BOLA3: variants seen among roughly 807,000 people sequenced by gnomAD.
BOLA3 encodes bolA family member 3.
In BOLA3, 8 loss-of-function variants were observed where a neutral mutation model predicts 14.5. The observed-to-expected ratio is 0.55, with a 90% CI of 0.32 to 0.99. The LOEUF (loss-of-function observed/expected upper bound fraction) is 0.99. Ranked by LOEUF, BOLA3 falls within the 50% of genes least tolerant of loss-of-function variation. The pLI, the probability that BOLA3 is intolerant of heterozygous loss-of-function variation, is 0.04. For synonymous variants in BOLA3, 42 were observed against 45.7 expected, an observed-to-expected ratio of 0.92 and a Z score of 0.33; for missense variants, 115 against 138.2, an observed-to-expected ratio of 0.83 and a Z score of 0.84.
chr2:74,143,395 G>T (rs188214311), intron 2 of BOLA3, among the ~76,000 whole-genome samples: 1 of 151,968 alleles, frequency 6.6e-6, no homozygotes, highest in Admixed American at 6.5e-5. Flanking sequence ...TCCTGACCTC[G>T]TGATCCACCC....
intron 1 of BOLA3, 65 bp from the exon 2 acceptor site, chr2:74,145,368 T>C: frequency 1.0e-6 from 1 of 978,168 alleles, no homozygotes; most frequent in Admixed American, 1.7e-5. Flanking sequence ...GCTGGGCCAC[T>C]GTGCAGGCCC....
At chr2:74,139,560 C>T (rs1572940873) in intron 3 of BOLA3, among the ~76,000 whole-genome samples, 2 of 152,328 alleles carry the variant, frequency 1.3e-5, no homozygotes, top group African/African-American at 4.8e-5. Context: ...GGTCCCGGCT[C>T]AGACCCTGCC....
intron 3 of BOLA3, among the ~76,000 whole-genome samples, chr2:74,136,500 G>A (rs2103637436): frequency 6.6e-6 from 1 of 152,146 alleles, no homozygotes; most frequent in Non-Finnish European, 1.5e-5. Flanking sequence ...ATTAGTGTTA[G>A]TATATTTTAT....
At position 74,135,593 on chromosome 2, in the gene BOLA3, T is replaced by C; in HGVS notation, c.324A>G (p.Ter108TrpextTer11). Residue 108 changes from the stop codon to tryptophan (W), a stop_lost, in exon 4 of 4, where the codon TGA becomes TGG. Transcript: ENST00000327428. Reference protein sequence around the residue: ...LRIFTSVPKR* With the variant: ...LRIFTSVPKRW ...CAGCATCTATGCAGCCAGGGCGTGG[T>C]CAGCGTTTGGGGACAGAGGTAAATA... 6.2e-7 allele frequency: 1 copy of C among 1,614,116 alleles called. No individual in the cohort carries two copies. Among genetic ancestry groups the C allele is most frequent in the East Asian group, 2.2e-5 (1 of 44,886 alleles).
chr2:74,143,687 AT>A (rs913427783), intron 2 of BOLA3, among the ~76,000 whole-genome samples: 37 of 148,894 alleles, frequency 2.5e-4, no homozygotes, highest in Middle Eastern at 3.4e-3. Context: ...ATTCCAGCAG[AT>A]TTTTTTTTTC....
intron 3 of BOLA3, among the ~76,000 whole-genome samples, chr2:74,136,729 GT>G (rs1692339130): frequency 6.6e-6 from 1 of 152,208 alleles, no homozygotes; most frequent in Non-Finnish European, 1.5e-5. Flanking sequence ...CTTTTAGGCT[GT>G]TTCCTGTGTT....
At chr2:74,140,249 A>G (rs747528632) in intron 3 of BOLA3, among the ~76,000 whole-genome samples, 2 of 152,112 alleles carry the variant, frequency 1.3e-5, no homozygotes, top group Non-Finnish European at 2.9e-5. Context: ...GCGCCACTGC[A>G]CTCCAGCCTG....
chr2:74,137,434 A>T (rs1235593979), intron 3 of BOLA3, among the ~76,000 whole-genome samples: 1 of 152,232 alleles, frequency 6.6e-6, no homozygotes, highest in Non-Finnish European at 1.5e-5. Context: ...GCCAGAAACC[A>T]GATAATTTTG....
rs968519579 is a variant in BOLA3 at position 74,147,884 on chromosome 2, A to C, written c.-10T>G. On this transcript the variant is annotated 5_prime_UTR_variant, in exon 1 of 4. Transcript: ENST00000327428. ...GGCTCCATGCAGCCATGCCCGGCCGACGTGACCCGCCGCCCGAGGTCACTG... is the reference window on the plus strand; with the variant it reads ...GGCTCCATGCAGCCATGCCCGGCCGCCGTGACCCGCCGCCCGAGGTCACTG... 2.0e-6 allele frequency: 3 copies of C among 1,514,068 alleles called. No individual in the cohort carries two copies. The highest frequency in any genetic ancestry group is 2.6e-6 in the Non-Finnish European group (3 of 1,138,684). 93.8% of individuals were successfully genotyped at this position (1,514,068 alleles called of 1,614,324 possible). A position where few individuals can be genotyped will look rare whatever the true frequency, so the allele number is the denominator to read the frequency against.
intron 1 of BOLA3, chr2:74,146,160 T>G (rs1237553323): frequency 6.6e-6 from 1 of 151,876 alleles, no homozygotes; most frequent in Admixed American, 6.6e-5. Flanking sequence ...GCTCGGCAAA[T>G]TTTTGTATTT....
chr2:74,140,021 T>C (rs557698808), intron 3 of BOLA3, among the ~76,000 whole-genome samples: 56 of 152,134 alleles, frequency 3.7e-4, no homozygotes, highest in African/African-American at 1.3e-3. Context: ...TGGTGGCTCA[T>C]GCCTGTAATC....
In BOLA3 at chr2:74,139,851, A is replaced by G. The variant is rs143540453; in HGVS notation, c.258+2421T>C. On this transcript the variant is annotated intron_variant, in intron 3 of 3. Transcript: ENST00000327428. Reference sequence around the variant, plus strand: ...AGAGGAGAGGCCTCTAGAATAACTCAGGATGCAGCTGCTCTGGGCACAGTG... The same window carrying G: ...AGAGGAGAGGCCTCTAGAATAACTCGGGATGCAGCTGCTCTGGGCACAGTG... Among the ~76,000 whole-genome samples, 148 of 152,314 alleles carry G rather than the reference A, an allele frequency of 9.7e-4. 1 individual carries two copies. Among genetic ancestry groups the G allele is most frequent in the African/African-American group, 3.4e-3 (141 of 41,582 alleles).
intron 3 of BOLA3, among the ~76,000 whole-genome samples, chr2:74,138,420 C>T (rs550874500): frequency 1.3e-5 from 2 of 152,334 alleles, no homozygotes; most frequent in African/African-American, 4.8e-5. Flanking sequence ...TTCCGGTGTT[C>T]GAGGTGAGCT....
chr2:74,137,345 G>C (rs1246356939), intron 3 of BOLA3, among the ~76,000 whole-genome samples: 1 of 152,198 alleles, frequency 6.6e-6, no homozygotes, highest in Non-Finnish European at 1.5e-5. Flanking sequence ...AGGAGAGAAA[G>C]CCCATCTTTA....
Position 74,147,763 on chromosome 2 carries a change from G to A in BOLA3, c.54+58C>T, listed in dbSNP as rs1037083829. The A allele has an allele frequency of 9.9e-6, 15 of 1,515,654 alleles. No individual in the cohort carries two copies. The East Asian group carries it at 3.7e-4, about 38-fold the overall frequency. 93.9% of individuals were successfully genotyped at this position (1,515,654 alleles called of 1,614,324 possible). A position where few individuals can be genotyped will look rare whatever the true frequency, so the allele number is the denominator to read the frequency against. On this transcript the variant is annotated intron_variant, in intron 1 of 3. Coordinates refer to ENST00000327428, the MANE Select transcript of BOLA3 (RefSeq NM_212552.3). ...TCAAGCCCCGACAGCCGCCGGCCCC[G>A]CGGTCCCTCCGCAGCTCCCGTCCCG...
chr2:74,139,034 T>A (rs1209155199), intron 3 of BOLA3, among the ~76,000 whole-genome samples: 1 of 152,042 alleles, frequency 6.6e-6, no homozygotes, highest in African/African-American at 2.4e-5. Context: ...CCACAGCAAA[T>A]GCCCAGTAAG....
chr2:74,145,394 T>C (rs938804284), intron 1 of BOLA3, 91 bp from the exon 2 acceptor site: 2 of 826,834 alleles, frequency 2.4e-6, no homozygotes, highest in African/African-American at 1.7e-5. Context: ...CCATTCCCCC[T>C]GCAAGGCAGG....
At position 74,135,446 on chromosome 2, in the gene BOLA3, A is replaced by T; in HGVS notation, c.*147T>A. Reference sequence around the variant, plus strand: ...TGTTTGTTTCCTTTAATTAACATCTAAATAGATTATACATCTTCTATAATT... The same window carrying T: ...TGTTTGTTTCCTTTAATTAACATCTTAATAGATTATACATCTTCTATAATT... On this transcript the variant is annotated 3_prime_UTR_variant, in exon 4 of 4. Transcript: ENST00000327428. The T allele has an allele frequency of 5.6e-6, 7 of 1,244,270 alleles. No individual in the cohort carries two copies. Among genetic ancestry groups the T allele is most frequent in the Non-Finnish European group, 5.8e-6 (5 of 857,374 alleles). 77.1% of individuals were successfully genotyped at this position (1,244,270 alleles called of 1,614,324 possible).
rs1189548102 is a variant in BOLA3 at position 74,147,860 on chromosome 2, G to A, written c.15C>T (p.Ser5=). 1 of 1,524,304 alleles carries A rather than the reference G, an allele frequency of 6.6e-7. No homozygotes were observed. The highest frequency in any genetic ancestry group is 1.4e-5 in the African/African-American group (1 of 71,542). 94.4% of individuals were successfully genotyped at this position (1,524,304 alleles called of 1,614,324 possible). A position where few individuals can be genotyped will look rare whatever the true frequency, so the allele number is the denominator to read the frequency against. MAAW[S]PAAAAPLLRG... ...GGAGGAGAGGCGCTGCCGCGGCCGG[G>A]CTCCATGCAGCCATGCCCGGCCGAC... is the stretch of plus-strand genomic sequence containing the variant. Residue 5 remains serine, a synonymous_variant, in exon 1 of 4, where the codon AGC becomes AGT. Transcript: ENST00000327428.
Sources: allele counts gnomAD v4.1 joint callset (sites outside exome capture counted in the v4.1 genomes callset), GRCh38; gene constraint gnomAD v4.1.1; transcripts MANE v1.5; gene names NCBI Gene and HGNC (gene_info 2026-07-23, HGNC 2026-07-21).